FAM47E: variants seen among roughly 807,000 people sequenced by gnomAD.
The protein encoded by FAM47E is family with sequence similarity 47 member E.
Under a neutral mutation model 41.6 loss-of-function variants are expected in FAM47E, and 32 were observed. That is an observed-to-expected ratio of 0.77 (90% confidence interval 0.58 to 1.03). The LOEUF (loss-of-function observed/expected upper bound fraction) is 1.03. Ranked by LOEUF, FAM47E falls within the 50% of genes least tolerant of loss-of-function variation. FAM47E has a pLI of 0.00. For missense variants in FAM47E, 424 were observed against 485.4 expected (o/e 0.87, Z 1.19); for synonymous variants, 184 against 188.7 (o/e 0.98, Z 0.20).
chr4:76,276,955 C>T (rs1311600000), intron 5 of FAM47E, among the ~76,000 whole-genome samples: 1 of 152,148 alleles, frequency 6.6e-6, no homozygotes, highest in Non-Finnish European at 1.5e-5. Flanking sequence ...ACACATTCTG[C>T]CACATAGTTT....
rs767908427 is a variant in FAM47E, at chr4:76,228,867, T to C, written c.81+11179T>C. Among the ~76,000 whole-genome samples, 123 of 152,222 alleles carry C rather than the reference T, an allele frequency of 8.1e-4. 2 individuals are homozygous for C. Among genetic ancestry groups the C allele is most frequent in the Non-Finnish European group, 2.4e-4 (16 of 68,040 alleles). ...TTGTGATGAATTTCCTGGGTGTTCT[T>C]TGAGCTTCTTGTATTTGGATATCTA... On this transcript the variant is annotated intron_variant, in intron 2 of 7. Coordinates refer to the FAM47E transcript ENST00000510197.
intron 2 of FAM47E, among the ~76,000 whole-genome samples, chr4:76,263,242 G>T (rs7677256): frequency 6.6e-6 from 1 of 151,952 alleles, no homozygotes. Context: ...TCATATTATA[G>T]CCATGTGACT....
chr4:76,238,762 A>T (rs1467496217), intron 2 of FAM47E, among the ~76,000 whole-genome samples: 1 of 152,208 alleles, frequency 6.6e-6, no homozygotes, highest in Non-Finnish European at 1.5e-5. Context: ...GTGGTAAAAC[A>T]TACATAACAC....
chr4:76,247,995 A>G (rs559502384), upstream of FAM47E, among the ~76,000 whole-genome samples: 1 of 137,946 alleles, frequency 7.2e-6, no homozygotes, highest in South Asian at 2.3e-4. Flanking sequence ...GCTCACTGCA[A>G]GCTCCACCTC....
intron 2 of FAM47E, among the ~76,000 whole-genome samples, chr4:76,221,267 G>A (rs1299491382): frequency 6.6e-6 from 1 of 152,128 alleles, no homozygotes; most frequent in Non-Finnish European, 1.5e-5. Flanking sequence ...CACTGGTCCT[G>A]GCCTGGGGAG....
chr4:76,228,164 T>C (rs1733430841), intron 2 of FAM47E, among the ~76,000 whole-genome samples: 1 of 152,062 alleles, frequency 6.6e-6, no homozygotes, highest in South Asian at 2.1e-4. Context: ...TTTTTGCCTA[T>C]TTTGAGGTTT....
At chr4:76,276,212 G>C (rs1404370851) in intron 5 of FAM47E, among the ~76,000 whole-genome samples, 1 of 152,138 alleles carries the variant, frequency 6.6e-6, no homozygotes, top group Non-Finnish European at 1.5e-5. Context: ...ATGTAGCTGG[G>C]AATAATTTCC....
rs148941102 is a variant in FAM47E, at chr4:76,240,489, T to TTCTC, written c.81+22803_81+22806dup. Among the ~76,000 whole-genome samples the TTCTC allele has an allele frequency of 9.5e-3, 1,446 of 152,302 alleles. 25 individuals are homozygous for TTCTC. Among genetic ancestry groups the TTCTC allele is most frequent in the African/African-American group, 0.033 (1,371 of 41,556 alleles). On this transcript the variant is annotated intron_variant, in intron 2 of 7. Coordinates refer to the FAM47E transcript ENST00000510197. Reference sequence around the variant, plus strand: ...TTCTTTGAATAATCTCTTTGCCCCTTTCTCTTACTTGTCCTCAAGGACTCC... The same window carrying TTCTC: ...TTCTTTGAATAATCTCTTTGCCCCTTTCTCTCTCTTACTTGTCCTCAAGGACTCC...
rs958649133 is a variant in FAM47E, at chr4:76,271,885, AT to A, written c.870+124del. 1.4e-4 allele frequency: 162 copies of A among 1,191,474 alleles called. 1 individual carries two copies. Among genetic ancestry groups the A allele is most frequent in the South Asian group, 1.0e-3 (55 of 53,772 alleles). 73.8% of individuals were successfully genotyped at this position (1,191,474 alleles called of 1,614,324 possible). On this transcript the variant is annotated intron_variant, in intron 5 of 7. Transcript: ENST00000424749. ...TGGTTTTTTAAAGTAGAATTCTGGA[AT>A]TTTTTTCATGATTAATATTTGTTAA...
chr4:76,262,519 T>C lies in FAM47E; in HGVS notation c.421-1185T>C, dbSNP rs140469110. ...TTTCTAATGCTGGAGATGTACATTG[T>C]GTAAAGACTTTTATAGAGCTCTAAT... is the stretch of plus-strand genomic sequence containing the variant. On this transcript the variant is annotated intron_variant, in intron 2 of 7. Transcript: ENST00000424749. 5.6e-4 allele frequency among the ~76,000 whole-genome samples: 85 copies of C among 152,340 alleles called. 1 individual carries two copies. The highest frequency in any genetic ancestry group is 1.9e-3 in the African/African-American group (81 of 41,580).
At chr4:76,261,483 T>G (rs1348624419) in intron 2 of FAM47E, among the ~76,000 whole-genome samples, 1 of 152,194 alleles carries the variant, frequency 6.6e-6, no homozygotes, top group African/African-American at 2.4e-5. Context: ...CATGAAATAC[T>G]GTGCAGCCAT....
In FAM47E at chr4:76,268,642, T is replaced by C; in HGVS notation, c.561-18T>C. ...CATTGTGTCTCATATTGTAATTCTTTAATGATCTTATCTTTAGTTCCAAGA... is the reference window on the plus strand; with the variant it reads ...CATTGTGTCTCATATTGTAATTCTTCAATGATCTTATCTTTAGTTCCAAGA... On this transcript the variant is annotated intron_variant, in intron 3 of 7. Transcript: ENST00000424749. 1 of 1,548,032 alleles carries C rather than the reference T, an allele frequency of 6.5e-7. No individual in the cohort carries two copies. The highest frequency in any genetic ancestry group is 1.2e-5 in the South Asian group (1 of 82,900).
At chr4:76,243,889 C>T (rs2109993644) in intron 2 of FAM47E, among the ~76,000 whole-genome samples, 1 of 152,306 alleles carries the variant, frequency 6.6e-6, no homozygotes, top group Non-Finnish European at 1.5e-5. Context: ...CTATCCCTCT[C>T]CTAGCCCCAT....
rs1337335482 is a variant in FAM47E at position 76,256,397 on chromosome 4, A to C, written c.294A>C (p.Ala98=). Residue 98 remains alanine (A), a synonymous_variant, in exon 2 of 8, where the codon GCA becomes GCC. Transcript: ENST00000424749. The stretch of plus-strand genomic sequence containing the variant: ...GGCAGATCAAGCTGCTCAAGGAAGC[A>C]GACGTGCTTTCCAAGCTCTCGCCAG... The part of the protein sequence containing the change: ...KKRQIKLLKE[A]DVLSKLSPAQ... 6.4e-7 allele frequency: 1 copy of C among 1,552,216 alleles called. No individual in the cohort carries two copies. The highest frequency in any genetic ancestry group is 2.0e-5 in the Admixed American group (1 of 51,026).
chr4:76,233,605 TATGTAACTGACAAGCATATAACACACAC>T (rs1733530518), intron 2 of FAM47E, among the ~76,000 whole-genome samples: 1 of 151,152 alleles, frequency 6.6e-6, no homozygotes, highest in Admixed American at 6.6e-5. Context: ...CACACACACA[TATGTAACTGACAAGCATATAACACACAC>T]ATATAACAGC....
chr4:76,279,933 G>A (rs368052586), intron 6 of FAM47E: 7 of 187,758 alleles, frequency 3.7e-5, no homozygotes, highest in Middle Eastern at 2.1e-3. Flanking sequence ...CCTGTCCTTT[G>A]AAGTTAAGAT....
intron 3 of FAM47E, among the ~76,000 whole-genome samples, chr4:76,267,144 C>T (rs1481640046): frequency 6.6e-6 from 1 of 152,162 alleles, no homozygotes; most frequent in Non-Finnish European, 1.5e-5. Context: ...AGTTTATTTA[C>T]AGTTCAATTC....
intron 2 of FAM47E, among the ~76,000 whole-genome samples, chr4:76,261,237 A>G (rs1324023684): frequency 1.3e-5 from 2 of 152,236 alleles, no homozygotes; most frequent in Admixed American, 6.5e-5. Context: ...ACTGTAAGTT[A>G]GCTCAACCTC....
In FAM47E at chr4:76,268,711, G is replaced by A; in HGVS notation, c.612G>A (p.Lys204=). 1.3e-6 allele frequency: 2 copies of A among 1,551,448 alleles called. No individual in the cohort carries two copies. Among genetic ancestry groups the A allele is most frequent in the Non-Finnish European group, 8.7e-7 (1 of 1,146,914 alleles). The part of the protein sequence containing the change: ...SNAGQWLYEE[K]PHKMDLLHEN... ...CAGGCCAATGGCTTTATGAAGAAAA[G>A]CCACATAAAATGGATTTGCTCCATG... The change falls in exon 4 of 8, where the codon AAG becomes AAA. Residue 204 remains lysine, a synonymous_variant. Transcript: ENST00000424749.
Sources: allele counts gnomAD v4.1 joint callset (sites outside exome capture counted in the v4.1 genomes callset), GRCh38; gene constraint gnomAD v4.1.1; transcripts MANE v1.5; gene names NCBI Gene and HGNC (gene_info 2026-07-23, HGNC 2026-07-21).